Variants in KHDC1 observed in about 807,000 individuals in gnomAD.
KHDC1 encodes the protein KH homology domain-containing protein 1.
KHDC1 carries 21 observed loss-of-function variants against 24.7 expected under a neutral mutation model. The ratio of observed to expected loss-of-function variants is 0.85; its 90% CI spans 0.60 to 1.23. The LOEUF is 1.23. KHDC1 is among the 50% of genes most tolerant of loss of function. KHDC1 has a pLI of 0.00. For missense variants in KHDC1, 274 were observed against 298.5 expected, an observed-to-expected ratio of 0.92 and a Z score of 0.61; for synonymous variants, 98 against 111.7, an observed-to-expected ratio of 0.88 and a Z score of 0.77.
chr6:73,255,375 C>T (rs1054393711), intron 2 of KHDC1, among the ~76,000 whole-genome samples: 6 of 150,844 alleles, frequency 4.0e-5, no homozygotes, highest in African/African-American at 1.2e-4. Flanking sequence ...CACGCCACCA[C>T]GCCCAGATAA....
At chr6:73,252,243 T>A (rs903530363) in intron 2 of KHDC1, among the ~76,000 whole-genome samples, 2 of 151,956 alleles carry the variant, frequency 1.3e-5, no homozygotes, top group African/African-American at 4.8e-5. Context: ...GGGGTCTCCC[T>A]ATGTTGCCCA....
At chr6:73,272,048 G>A (rs1685648295) in intron 2 of KHDC1, among the ~76,000 whole-genome samples, 2 of 150,840 alleles carry the variant, frequency 1.3e-5, no homozygotes, top group African/African-American at 2.4e-5. Flanking sequence ...GAGTAGTGTT[G>A]ACTGTCAACA....
chr6:73,293,438 A>T (rs1450907386), intron 1 of KHDC1, among the ~76,000 whole-genome samples: 1 of 152,196 alleles, frequency 6.6e-6, no homozygotes, highest in Non-Finnish European at 1.5e-5. Context: ...ATTCACAAAA[A>T]AATTTTAATC....
chr6:73,251,073 C>T (rs1181358588), intron 2 of KHDC1, among the ~76,000 whole-genome samples: 4 of 152,070 alleles, frequency 2.6e-5, no homozygotes, highest in African/African-American at 4.8e-5. Context: ...GCGATCTGCC[C>T]GCCTCGGCCT....
chr6:73,241,967 G>A (rs1400197642), intron 4 of KHDC1, 88 bp downstream of exon 3: 3 of 1,379,690 alleles, frequency 2.2e-6, no homozygotes, highest in Non-Finnish European at 3.0e-6. Context: ...AGCCACACAA[G>A]GGATTCTTCA....
chr6:73,244,528 C>T (rs1308267221), intron 2 of KHDC1, among the ~76,000 whole-genome samples: 1 of 151,892 alleles, frequency 6.6e-6, no homozygotes, highest in Non-Finnish European at 1.5e-5. Context: ...AGAAAATCTG[C>T]CTTTTGAAGT....
chr6:73,263,992 A>T (rs1388497232), intron 2 of KHDC1, among the ~76,000 whole-genome samples: 1 of 152,176 alleles, frequency 6.6e-6, no homozygotes, highest in Non-Finnish European at 1.5e-5. Context: ...TGAGCCCAGG[A>T]GTTCGAAACC....
At chr6:73,263,224 C>A in intron 2 of KHDC1, 28 bp from the exon 1 acceptor site, 1 of 986,816 alleles carries the variant, frequency 1.0e-6, no homozygotes, top group Non-Finnish European at 1.2e-6. Flanking sequence ...AAGCGCGCGG[C>A]TGCGGCGCGG....
intron 2 of KHDC1, among the ~76,000 whole-genome samples, chr6:73,264,510 G>A (rs1268485725): frequency 6.6e-6 from 1 of 152,204 alleles, no homozygotes; most frequent in Non-Finnish European, 1.5e-5. Flanking sequence ...ACGCCTGTAG[G>A]AACCCAGGAC....
At chr6:73,278,351 A>G (rs1048598277) in intron 2 of KHDC1, among the ~76,000 whole-genome samples, 5 of 151,198 alleles carry the variant, frequency 3.3e-5, no homozygotes, top group East Asian at 1.9e-4. Context: ...CTATATTTCT[A>G]TTGATGTGTT....
chr6:73,243,291 G>A (rs1334166724), intron 2 of KHDC1, among the ~76,000 whole-genome samples: 2 of 152,180 alleles, frequency 1.3e-5, no homozygotes, highest in South Asian at 2.1e-4. Flanking sequence ...GTTTATGTTT[G>A]GTAGGGAAGA....
chr6:73,244,914 C>A (rs1438733029), intron 2 of KHDC1, among the ~76,000 whole-genome samples: 1 of 152,060 alleles, frequency 6.6e-6, no homozygotes, highest in Non-Finnish European at 1.5e-5. Flanking sequence ...GGCAACAGAG[C>A]AAGACCCTGT....
At chr6:73,245,417 G>T (rs1766648473) in intron 2 of KHDC1, among the ~76,000 whole-genome samples, 1 of 152,116 alleles carries the variant, frequency 6.6e-6, no homozygotes, top group African/African-American at 2.4e-5. Context: ...GAAGATTGTT[G>T]TTACCTATTA....
At chr6:73,289,333 C>CAAAAAAAAA (rs60179008) in intron 2 of KHDC1, among the ~76,000 whole-genome samples, 16 of 62,644 alleles carry the variant, frequency 2.6e-4, no homozygotes, top group East Asian at 1.2e-3. Flanking sequence ...GACTCCATCT[C>CAAAAAAAAA]AAAAAAAAAA....
At chr6:73,293,041 T>C in intron 1 of KHDC1, 1 of 1,013,078 alleles carries the variant, frequency 9.9e-7, no homozygotes, top group South Asian at 1.3e-5. Flanking sequence ...CAGATGAAAC[T>C]GAAAGGTGGA....
At chr6:73,248,142 C>T (rs1156263397) in intron 2 of KHDC1, among the ~76,000 whole-genome samples, 1 of 152,186 alleles carries the variant, frequency 6.6e-6, no homozygotes, top group African/African-American at 2.4e-5. Flanking sequence ...CCAGGTAAGG[C>T]ATCGAGACTG....
At chr6:73,305,242 A>T (rs187638977) in intron 1 of KHDC1, among the ~76,000 whole-genome samples, 34 of 152,124 alleles carry the variant, frequency 2.2e-4, no homozygotes, top group Middle Eastern at 3.4e-3. Flanking sequence ...ACTCCATCTC[A>T]AAAATATATA....
At chr6:73,252,831 A>C (rs1479307749) in intron 2 of KHDC1, among the ~76,000 whole-genome samples, 2 of 151,852 alleles carry the variant, frequency 1.3e-5, no homozygotes, top group Non-Finnish European at 2.9e-5. Flanking sequence ...AAAAAAAAAA[A>C]TTATCCACTC....
At chr6:73,290,786 T>C in intron 2 of KHDC1, 1 of 342,186 alleles carries the variant, frequency 2.9e-6, no homozygotes, top group Non-Finnish European at 5.7e-6. Flanking sequence ...TTACTGATTC[T>C]AGGGCTAACT....
Sources: allele counts gnomAD v4.1 joint callset (sites outside exome capture counted in the v4.1 genomes callset), GRCh38; gene constraint gnomAD v4.1.1; transcripts MANE v1.5; gene names NCBI Gene and HGNC (gene_info 2026-07-23, HGNC 2026-07-21).